Variants in OPCML observed in about 807,000 individuals in gnomAD.
OPCML encodes the protein opioid-binding protein/cell adhesion molecule.
OPCML carries 13 observed loss-of-function variants against 37.8 expected under a neutral mutation model. The observed-to-expected ratio is 0.34, with a 90% CI of 0.22 to 0.55. The LOEUF (loss-of-function observed/expected upper bound fraction) is 0.55. Ranked by LOEUF, OPCML falls within the 20% of genes least tolerant of loss-of-function variation. The probability of loss-of-function intolerance (pLI) is 0.91; values close to 1 mark genes in which losing one functional copy is unlikely to be tolerated. For missense variants in OPCML, 341 were observed against 435.6 expected, an observed-to-expected ratio of 0.78 and a Z score of 1.93; for synonymous variants, 176 against 168.8, an observed-to-expected ratio of 1.04 and a Z score of -0.33.
chr11:133,435,575 A>G (rs144312173), intron 1 of OPCML, among the ~76,000 whole-genome samples: 1 of 152,336 alleles, frequency 6.6e-6, no homozygotes, highest in African/African-American at 2.4e-5. Context: ...TTCATTATTA[A>G]TAGGCTTTCT....
chr11:133,139,726 C>T (rs946524326), intron 1 of OPCML, among the ~76,000 whole-genome samples: 27 of 152,196 alleles, frequency 1.8e-4, no homozygotes, highest in African/African-American at 6.3e-4. Flanking sequence ...CATATGAATG[C>T]GGGGCTTGAG....
chr11:132,860,156 G>C (rs1942240462), intron 2 of OPCML: 1 of 152,210 alleles, frequency 6.6e-6, no homozygotes, highest in Non-Finnish European at 1.5e-5. Context: ...AATTATGTAA[G>C]TAAATATTTC....
intron 1 of OPCML, among the ~76,000 whole-genome samples, chr11:133,263,920 C>T (rs1357076034): frequency 6.6e-6 from 1 of 152,144 alleles, no homozygotes; most frequent in African/African-American, 2.4e-5. Context: ...AGTTTGGGAC[C>T]CAGGGACAAT....
chr11:132,570,238 T>A (rs1018237610), intron 3 of OPCML, among the ~76,000 whole-genome samples: 1 of 152,216 alleles, frequency 6.6e-6, no homozygotes, highest in Non-Finnish European at 1.5e-5. Flanking sequence ...GCTATTTTCA[T>A]GTTTCAACAG....
At chr11:132,488,436 A>G (rs2096206571) in intron 4 of OPCML, among the ~76,000 whole-genome samples, 1 of 152,196 alleles carries the variant, frequency 6.6e-6, no homozygotes, top group Non-Finnish European at 1.5e-5. Flanking sequence ...GGTATAGCCT[A>G]TTGCTCCTAG....
chr11:132,676,234 T>C (rs1942695446), intron 2 of OPCML, among the ~76,000 whole-genome samples: 1 of 152,090 alleles, frequency 6.6e-6, no homozygotes, highest in Non-Finnish European at 1.5e-5. Flanking sequence ...CAGCTGGATG[T>C]CCACACACAA....
intron 1 of OPCML, among the ~76,000 whole-genome samples, chr11:133,461,033 G>A (rs898797559): frequency 1.3e-5 from 2 of 151,750 alleles, no homozygotes; most frequent in African/African-American, 2.4e-5. Flanking sequence ...ACAAAATTTA[G>A]CATTATTTCA....
chr11:133,220,478 A>G (rs1331293979), intron 1 of OPCML, among the ~76,000 whole-genome samples: 1 of 152,188 alleles, frequency 6.6e-6, no homozygotes, highest in Non-Finnish European at 1.5e-5. Context: ...TGGGAGAGGC[A>G]GTGAACAGGC....
chr11:133,041,849 A>G (rs1947903373), intron 1 of OPCML, among the ~76,000 whole-genome samples: 2 of 152,188 alleles, frequency 1.3e-5, no homozygotes, highest in Admixed American at 1.3e-4. Flanking sequence ...GTCCCAAAGA[A>G]CAGCAACCTT....
chr11:133,423,923 C>G (rs1945947098), intron 1 of OPCML, among the ~76,000 whole-genome samples: 1 of 152,190 alleles, frequency 6.6e-6, no homozygotes, highest in Non-Finnish European at 1.5e-5. Flanking sequence ...TTGCCTTCTG[C>G]CATGATTGGA....
intron 1 of OPCML, among the ~76,000 whole-genome samples, chr11:133,340,608 C>CTCTGTGTG: frequency 7.2e-6 from 1 of 139,518 alleles, no homozygotes; most frequent in South Asian, 2.6e-4. Flanking sequence ...AAGACTCTCT[C>CTCTGTGTG]TGTGTGTGTG....
intron 1 of OPCML, among the ~76,000 whole-genome samples, chr11:133,243,859 G>T (rs1215864402): frequency 1.3e-5 from 2 of 152,240 alleles, no homozygotes; most frequent in East Asian, 1.9e-4. Context: ...CCTATTTGGG[G>T]ACCTCTTGGA....
intron 4 of OPCML, among the ~76,000 whole-genome samples, chr11:132,463,677 C>T (rs146521523): frequency 3.1e-3 from 467 of 152,340 alleles, no homozygotes; most frequent in Admixed American, 6.3e-3. Context: ...CATTCATCTT[C>T]TCACCTGCCA....
chr11:133,054,993 C>T (rs1467284024), intron 1 of OPCML, among the ~76,000 whole-genome samples: 1 of 148,170 alleles, frequency 6.7e-6, no homozygotes, highest in African/African-American at 2.5e-5. Flanking sequence ...TACAATGCTG[C>T]CTCCATGATA....
At chr11:133,004,011 C>T in intron 1 of OPCML, 55 of 985,428 alleles carry the variant, frequency 5.6e-5, no homozygotes, top group South Asian at 9.4e-5. Flanking sequence ...TGGCACACGT[C>T]TCTCACCGCT....
At chr11:132,467,379 TG>T in intron 4 of OPCML, among the ~76,000 whole-genome samples, 1 of 152,362 alleles carries the variant, frequency 6.6e-6, no homozygotes, top group Admixed American at 6.5e-5. Flanking sequence ...CAGGTAGTTC[TG>T]AAAATAAAAT....
At chr11:133,444,124 T>C (rs999942270) in intron 1 of OPCML, among the ~76,000 whole-genome samples, 3 of 151,988 alleles carry the variant, frequency 2.0e-5, no homozygotes, top group African/African-American at 7.3e-5. Context: ...TAAATGCTTC[T>C]CCATGTCTCA....
chr11:133,137,058 C>T (rs1487554409), intron 1 of OPCML, among the ~76,000 whole-genome samples: 2 of 152,058 alleles, frequency 1.3e-5, no homozygotes, highest in Non-Finnish European at 2.9e-5. Flanking sequence ...GGACCATTAA[C>T]GTGAAGGATG....
intron 1 of OPCML, chr11:133,064,587 G>A (rs904994364): frequency 1.3e-5 from 2 of 152,338 alleles, no homozygotes; most frequent in Admixed American, 6.5e-5. Context: ...CCGGGAGGGG[G>A]ACTGTGCTGC....
Sources: allele counts gnomAD v4.1 joint callset (sites outside exome capture counted in the v4.1 genomes callset), GRCh38; gene constraint gnomAD v4.1.1; transcripts MANE v1.5; gene names NCBI Gene and HGNC (gene_info 2026-07-23, HGNC 2026-07-21).